Variants in MACROD2 observed in about 807,000 individuals in gnomAD.
The protein encoded by MACROD2 is mono-ADP ribosylhydrolase 2.
Under a neutral mutation model 70.4 loss-of-function variants are expected in MACROD2, and 36 were observed. That is an observed-to-expected ratio of 0.51 (90% CI 0.39 to 0.68). MACROD2 has a LOEUF of 0.68. MACROD2 is among the 30% of genes least tolerant of loss of function. The pLI, the probability that MACROD2 is intolerant of heterozygous loss-of-function variation, is 0.00. For synonymous variants in MACROD2, 172 were observed against 178.8 expected (o/e 0.96, Z 0.30); for missense variants, 496 against 538.4 (o/e 0.92, Z 0.78).
chr20:14,901,724 A>C (rs1466285934), intron 5 of MACROD2, among the ~76,000 whole-genome samples: 1 of 152,192 alleles, frequency 6.6e-6, no homozygotes, highest in African/African-American at 2.4e-5. Context: ...ACTTAAAATA[A>C]ATACACCAAA....
chr20:14,562,363 AGCTT>A (rs71950376), intron 4 of MACROD2, among the ~76,000 whole-genome samples: 26,709 of 151,812 alleles, frequency 0.18, 3,123 homozygotes, highest in Non-Finnish European at 0.26. Context: ...ATAAACATGT[AGCTT>A]GCTTCTTCTT....
At chr20:14,862,051 T>A (rs866529558) in intron 5 of MACROD2, among the ~76,000 whole-genome samples, 9 of 124 alleles carry the variant, frequency 0.073, 2 homozygotes, top group African/African-American at 0.13. Flanking sequence ...ATATATATAT[T>A]TATATATATA....
At chr20:16,019,721 A>C (rs1341281973) in intron 15 of MACROD2, among the ~76,000 whole-genome samples, 1 of 152,224 alleles carries the variant, frequency 6.6e-6, no homozygotes, top group Non-Finnish European at 1.5e-5. Context: ...GGCCCACCAC[A>C]AACTGGCTGA....
In MACROD2 at chr20:15,516,681, C is replaced by T. The variant is rs115770698; in HGVS notation, c.645+16834C>T. On this transcript the variant is annotated intron_variant, in intron 8 of 17. Coordinates refer to ENST00000684519, the MANE Select transcript of MACROD2 (RefSeq NM_001351661.2). ...GAGTGAAATCCAAATGCCTGTCTTA[C>T]CACAAGACCAAGAACACCTGATCCT... 9.2e-3 allele frequency among the ~76,000 whole-genome samples: 1,393 copies of T among 152,238 alleles called. 23 individuals carry two copies. Among genetic ancestry groups the T allele is most frequent in the African/African-American group, 0.032 (1,312 of 41,530 alleles).
intron 7 of MACROD2, among the ~76,000 whole-genome samples, chr20:15,479,485 G>T (rs903448500): frequency 6.6e-6 from 1 of 151,718 alleles, no homozygotes; most frequent in East Asian, 1.9e-4. Context: ...TTTTTAGCCA[G>T]GATGGTCTCG....
intron 6 of MACROD2, among the ~76,000 whole-genome samples, chr20:15,387,348 C>T (rs1443115247): frequency 1.4e-5 from 2 of 143,362 alleles, no homozygotes; most frequent in Admixed American, 7.0e-5. Context: ...CCTTCCCTCT[C>T]TGCTTCTATT....
chr20:15,608,626 C>T (rs565092386), intron 8 of MACROD2, among the ~76,000 whole-genome samples: 1 of 152,340 alleles, frequency 6.6e-6, no homozygotes, highest in East Asian at 1.9e-4. Context: ...ATTTGTTTTA[C>T]AGCCAGCTGA....
intron 8 of MACROD2, among the ~76,000 whole-genome samples, chr20:15,758,795 G>A (rs6514610): frequency 0.039 from 5,738 of 147,684 alleles, 343 homozygotes; most frequent in African/African-American, 0.13. Flanking sequence ...CTCCTGTCTC[G>A]GCCTCCCAAA....
At chr20:14,237,295 A>G (rs1241276682) in intron 3 of MACROD2, among the ~76,000 whole-genome samples, 4 of 151,832 alleles carry the variant, frequency 2.6e-5, no homozygotes, top group Non-Finnish European at 5.9e-5. Flanking sequence ...CTTCAATCTG[A>G]TGATTCTTTT....
chr20:14,737,093 A>T (rs1281285132), intron 5 of MACROD2, among the ~76,000 whole-genome samples: 1 of 151,922 alleles, frequency 6.6e-6, no homozygotes, highest in Non-Finnish European at 1.5e-5. Flanking sequence ...TCCTAATGCT[A>T]TCCTTCCCCT....
At chr20:14,129,274 C>A (rs898279396) in intron 3 of MACROD2, among the ~76,000 whole-genome samples, 1 of 152,112 alleles carries the variant, frequency 6.6e-6, no homozygotes, top group African/African-American at 2.4e-5. Flanking sequence ...TGGATGACTT[C>A]GAGGTCCATC....
At chr20:14,775,318 TA>T (rs1400102787) in intron 5 of MACROD2, among the ~76,000 whole-genome samples, 1 of 152,056 alleles carries the variant, frequency 6.6e-6, no homozygotes, top group African/African-American at 2.4e-5. Context: ...TAATTTATTT[TA>T]AAAACAGGTT....
At chr20:15,562,692 G>A (rs6079886) in intron 8 of MACROD2, among the ~76,000 whole-genome samples, 1 of 152,174 alleles carries the variant, frequency 6.6e-6, no homozygotes, top group African/African-American at 2.4e-5. Flanking sequence ...CTTTAATGAA[G>A]GACCACTTTA....
At chr20:14,486,513 C>CCTT (rs1555795563) in intron 3 of MACROD2, among the ~76,000 whole-genome samples, 1 of 97,064 alleles carries the variant, frequency 1.0e-5, no homozygotes, top group African/African-American at 4.0e-5. Flanking sequence ...AAATAGCCAA[C>CCTT]TTTTTATTTT....
chr20:14,706,661 C>T (rs537369349), intron 5 of MACROD2, among the ~76,000 whole-genome samples: 12 of 152,230 alleles, frequency 7.9e-5, no homozygotes, highest in Admixed American at 7.8e-4. Context: ...CTGCAACCAG[C>T]CCGGCTGGGC....
chr20:15,000,629 CAAAAAA>C (rs398040701), intron 5 of MACROD2, among the ~76,000 whole-genome samples: 32 of 21,976 alleles, frequency 1.5e-3, no homozygotes, highest in Non-Finnish European at 1.9e-3. Context: ...GACTCCGTCT[CAAAAAA>C]AAAAAAAAAA....
intron 10 of MACROD2, among the ~76,000 whole-genome samples, chr20:15,929,588 C>T (rs903927147): frequency 3.9e-5 from 6 of 152,156 alleles, no homozygotes; most frequent in Non-Finnish European, 5.9e-5. Context: ...AGCAGTATAC[C>T]AGCAGGAAGT....
At chr20:15,843,579 G>A (rs559448853) in intron 8 of MACROD2, among the ~76,000 whole-genome samples, 2 of 152,206 alleles carry the variant, frequency 1.3e-5, no homozygotes, top group South Asian at 2.1e-4. Flanking sequence ...GCTGCAAATC[G>A]ATTAACTTCA....
At chr20:14,679,717 C>G (rs1454754082) in intron 4 of MACROD2, among the ~76,000 whole-genome samples, 2 of 143,316 alleles carry the variant, frequency 1.4e-5, no homozygotes, top group African/African-American at 5.5e-5. Flanking sequence ...ATTGATATTA[C>G]CATTGCCCTT....
Sources: gnomAD v4.1 joint callset for allele counts (sites outside exome capture counted in the v4.1 genomes callset) on GRCh38, gnomAD v4.1.1 for gene constraint, MANE v1.5 for transcripts, NCBI Gene and HGNC (gene_info 2026-07-23, HGNC 2026-07-21) for gene names.